The following BLVRA variants were observed in gnomAD, a reference collection of about 807,000 sequenced individuals.
BLVRA encodes biliverdin reductase A.
A neutral mutation model predicts 32.8 loss-of-function variants in BLVRA; 22 were observed. The ratio of observed to expected loss-of-function variants is 0.67; its 90% CI spans 0.48 to 0.96. The LOEUF (loss-of-function observed/expected upper bound fraction) is 0.96. Among genes scored for constraint, BLVRA ranks in the 40% least tolerant of loss-of-function variants. The pLI, the probability that BLVRA is intolerant of heterozygous loss-of-function variation, is 0.00. For missense variants in BLVRA, 323 were observed against 358.1 expected, an observed-to-expected ratio of 0.90 and a Z score of 0.79; for synonymous variants, 119 against 141.3, an observed-to-expected ratio of 0.84 and a Z score of 1.12.
chr7:43,797,738 T>C (rs112674261), intron 5 of BLVRA, among the ~76,000 whole-genome samples: 70 of 152,356 alleles, frequency 4.6e-4, no homozygotes, highest in African/African-American at 1.6e-3. Context: ...TTATCTTTTA[T>C]TGACATGTCA....
chr7:43,763,190 A>T (rs1025972352), intron 1 of BLVRA, among the ~76,000 whole-genome samples: 2 of 152,138 alleles, frequency 1.3e-5, no homozygotes, highest in Non-Finnish European at 2.9e-5. Context: ...CTCTGGTTTG[A>T]AGGGGTAGGG....
At position 43,807,274 on chromosome 7, in the gene BLVRA, C is replaced by A. The variant is rs369128190; in HGVS notation, c.*39C>A. The A allele has an allele frequency of 6.3e-7, 1 of 1,599,928 alleles. No individual in the cohort carries two copies. Among genetic ancestry groups the A allele is most frequent in the Non-Finnish European group, 8.5e-7 (1 of 1,179,654 alleles). On this transcript the variant is annotated 3_prime_UTR_variant, in exon 8 of 8. Coordinates refer to ENST00000265523, the MANE Select transcript of BLVRA (RefSeq NM_000712.4). Reference sequence around the variant, plus strand: ...TGTAGCACTTCCAAGATGGCACCAGCATTTGGTTCTTCTCAAGAGTTGACC... The same window carrying A: ...TGTAGCACTTCCAAGATGGCACCAGAATTTGGTTCTTCTCAAGAGTTGACC...
intron 5 of BLVRA, among the ~76,000 whole-genome samples, chr7:43,799,629 C>T (rs2095796523): frequency 6.6e-6 from 1 of 152,128 alleles, no homozygotes; most frequent in Non-Finnish European, 1.5e-5. Flanking sequence ...CATGCCACCA[C>T]ACCTAGCTAA....
At chr7:43,766,822 G>A (rs893752121) in intron 1 of BLVRA, among the ~76,000 whole-genome samples, 9 of 152,218 alleles carry the variant, frequency 5.9e-5, no homozygotes, top group African/African-American at 2.2e-4. Context: ...GGGTACCCCA[G>A]CTGAATGTGC....
intron 5 of BLVRA, among the ~76,000 whole-genome samples, chr7:43,794,977 G>C (rs965265478): frequency 6.6e-6 from 1 of 152,090 alleles, no homozygotes; most frequent in African/African-American, 2.4e-5. Context: ...TTGGGAAGCC[G>C]AGGCTGGTGG....
In BLVRA at chr7:43,807,288, C is replaced by T. The variant is rs2095805041; in HGVS notation, c.*53C>T. Reference sequence around the variant, plus strand: ...GATGGCACCAGCATTTGGTTCTTCTCAAGAGTTGACCATTATCTCTATTCT... The same window carrying T: ...GATGGCACCAGCATTTGGTTCTTCTTAAGAGTTGACCATTATCTCTATTCT... On this transcript the variant is annotated 3_prime_UTR_variant, in exon 8 of 8. Coordinates refer to ENST00000265523, the MANE Select transcript of BLVRA (RefSeq NM_000712.4). 1.6e-5 allele frequency: 25 copies of T among 1,595,002 alleles called. No homozygotes were observed. Among genetic ancestry groups the T allele is most frequent in the Non-Finnish European group, 2.1e-5 (25 of 1,175,842 alleles).
intron 1 of BLVRA, among the ~76,000 whole-genome samples, chr7:43,769,089 G>A (rs771416944): frequency 2.6e-5 from 4 of 151,928 alleles, no homozygotes; most frequent in Non-Finnish European, 4.4e-5. Context: ...GTGCAGTGGC[G>A]TGATCATAGC....
intron 3 of BLVRA, among the ~76,000 whole-genome samples, chr7:43,790,490 C>G (rs2095784482): frequency 6.6e-6 from 1 of 152,004 alleles, no homozygotes; most frequent in South Asian, 2.1e-4. Flanking sequence ...TGCGTACATA[C>G]TACTGGGCTT....
At chr7:43,760,850 C>T (rs902692271) in intron 1 of BLVRA, among the ~76,000 whole-genome samples, 7 of 151,032 alleles carry the variant, frequency 4.6e-5, no homozygotes, top group Non-Finnish European at 1.0e-4. Context: ...CTCACTGCAA[C>T]CTCCGCCCCC....
chr7:43,769,626 A>G (rs1002592301), intron 1 of BLVRA, among the ~76,000 whole-genome samples: 1 of 149,372 alleles, frequency 6.7e-6, no homozygotes, highest in African/African-American at 2.5e-5. Context: ...TTTTTCTTTG[A>G]GACAGAGTCT....
At chr7:43,758,567 C>T (rs369979171), upstream of BLVRA, 2 of 154,652 alleles carry the variant, frequency 1.3e-5, no homozygotes, top group Admixed American at 6.5e-5. Flanking sequence ...CCCTCCCTCC[C>T]CTTCCGTCCA....
chr7:43,800,433 C>G, intron 5 of BLVRA, 32 bp from the exon 6 acceptor site: 1 of 1,594,812 alleles, frequency 6.3e-7, no homozygotes, highest in Non-Finnish European at 8.6e-7. Context: ...CAACTGACGA[C>G]TGCCCTTTTT....
chr7:43,774,751 T>C (rs2095758758), intron 2 of BLVRA, among the ~76,000 whole-genome samples: 1 of 152,248 alleles, frequency 6.6e-6, no homozygotes, highest in Non-Finnish European at 1.5e-5. Flanking sequence ...TTTCACGATA[T>C]TGATTCTTCC....
intron 1 of BLVRA, among the ~76,000 whole-genome samples, chr7:43,763,345 T>C (rs2095744435): frequency 6.6e-6 from 1 of 152,054 alleles, no homozygotes; most frequent in Non-Finnish European, 1.5e-5. Flanking sequence ...TACCCTAGCC[T>C]CTCTCTTTCT....
chr7:43,785,920 A>G (rs986918970), intron 2 of BLVRA, among the ~76,000 whole-genome samples: 2 of 152,240 alleles, frequency 1.3e-5, no homozygotes, highest in Admixed American at 6.5e-5. Context: ...CAAATGGGAT[A>G]AAATGGAATC....
intron 1 of BLVRA, among the ~76,000 whole-genome samples, chr7:43,768,558 C>A (rs1190700975): frequency 1.3e-5 from 2 of 151,622 alleles, no homozygotes; most frequent in Admixed American, 6.6e-5. Flanking sequence ...TGCCAGGGTT[C>A]TGAGGATTAG....
intron 5 of BLVRA, among the ~76,000 whole-genome samples, 198 bp downstream of exon 5, chr7:43,793,010 G>C (rs113559836): frequency 6.6e-6 from 1 of 152,088 alleles, no homozygotes; most frequent in Admixed American, 6.5e-5. Flanking sequence ...GCAAACTTTT[G>C]GTCAAAGCTT....
chr7:43,787,996 G>C lies in BLVRA; in HGVS notation c.105G>C (p.Ala35=). ...RDLRNPHPSS[A]FLNLIGFVSR... ...TGCGGAATCCACACCCTTCCTCAGC[G>C]TTCCTGAACCTGATTGGCTTCGTGT... Residue 35 remains alanine (A), a synonymous_variant, in exon 3 of 8, where the codon GCG becomes GCC. Transcript: ENST00000265523. The surrounding 1 kb of genome is among the most constrained non-coding windows in gnomAD (Gnocchi z 4.5). 1 of 1,614,198 alleles carries C rather than the reference G, an allele frequency of 6.2e-7. No homozygotes were observed. The highest frequency in any genetic ancestry group is 8.5e-7 in the Non-Finnish European group (1 of 1,180,048).
At chr7:43,785,664 C>G (rs1003251113) in intron 2 of BLVRA, among the ~76,000 whole-genome samples, 1 of 152,228 alleles carries the variant, frequency 6.6e-6, no homozygotes, top group Non-Finnish European at 1.5e-5. Context: ...TGCAGGCTGA[C>G]AGAGGCTGAG....
Sources: gnomAD v4.1 joint callset for allele counts (sites outside exome capture counted in the v4.1 genomes callset) on GRCh38, gnomAD v4.1.1 for gene constraint, Gnocchi (gnomAD v3.1) non-coding constraint, MANE v1.5 for transcripts, NCBI Gene and HGNC (gene_info 2026-07-23, HGNC 2026-07-21) for gene names.